Variants in ARHGAP12 observed in about 807,000 individuals in gnomAD.
ARHGAP12 encodes rho GTPase-activating protein 12.
In ARHGAP12, 64 loss-of-function variants were observed where a neutral mutation model predicts 108.6. The ratio of observed to expected loss-of-function variants is 0.59; its 90% confidence interval spans 0.48 to 0.73. The LOEUF (loss-of-function observed/expected upper bound fraction) is 0.73, where lower values mean the gene tolerates loss of function less well. Ranked by LOEUF, ARHGAP12 falls within the 30% of genes least tolerant of loss-of-function variation. The probability of loss-of-function intolerance (pLI) is 0.00; values close to 1 mark genes in which losing one functional copy is unlikely to be tolerated. For synonymous variants in ARHGAP12, 312 were observed against 337.2 expected (o/e 0.93, Z 0.82); for missense variants, 940 against 1,005.9 (o/e 0.93, Z 0.89).
At chr10:31,867,710 GAACA>G (rs1435130911) in intron 3 of ARHGAP12, among the ~76,000 whole-genome samples, 1 of 151,938 alleles carries the variant, frequency 6.6e-6, no homozygotes, top group Non-Finnish European at 1.5e-5. Context: ...TTAGACCCTT[GAACA>G]AACGGAAGAA....
At chr10:31,859,601 G>C (rs1176655918) in intron 4 of ARHGAP12, among the ~76,000 whole-genome samples, 1 of 117,946 alleles carries the variant, frequency 8.5e-6, no homozygotes, top group African/African-American at 2.9e-5. Context: ...TTGAGACCCT[G>C]TATACATAGT....
At chr10:31,847,539 A>G (rs530343073) in intron 6 of ARHGAP12, among the ~76,000 whole-genome samples, 4 of 152,326 alleles carry the variant, frequency 2.6e-5, no homozygotes, top group African/African-American at 9.6e-5. Context: ...GTTTTCATGC[A>G]TAGGCCACTG....
chr10:31,918,526 G>A (rs1839659686), intron 1 of ARHGAP12, among the ~76,000 whole-genome samples: 2 of 152,046 alleles, frequency 1.3e-5, no homozygotes, highest in South Asian at 2.1e-4. Context: ...AACATAACGA[G>A]GCCCCGTCTC....
At chr10:31,825,487 T>G (rs1211544577) in intron 11 of ARHGAP12, among the ~76,000 whole-genome samples, 1 of 152,156 alleles carries the variant, frequency 6.6e-6, no homozygotes, top group Non-Finnish European at 1.5e-5. Flanking sequence ...AGCCAGAGCA[T>G]GGATTCTAGA....
At chr10:31,869,754 T>C (rs1371854106) in intron 3 of ARHGAP12, among the ~76,000 whole-genome samples, 4 of 152,214 alleles carry the variant, frequency 2.6e-5, no homozygotes, top group Non-Finnish European at 4.4e-5. Context: ...AAAAGAAAAA[T>C]TGGGGAACCA....
At chr10:31,873,053 T>A (rs1837601900) in intron 3 of ARHGAP12, among the ~76,000 whole-genome samples, 1 of 152,156 alleles carries the variant, frequency 6.6e-6, no homozygotes, top group Non-Finnish European at 1.5e-5. Context: ...ATCTAGAGCA[T>A]CAGTATCTAA....
chr10:31,833,763 G>A (rs1219560484), intron 9 of ARHGAP12, among the ~76,000 whole-genome samples: 1 of 152,112 alleles, frequency 6.6e-6, no homozygotes, highest in Non-Finnish European at 1.5e-5. Flanking sequence ...TTGAACTAAG[G>A]AACAGGAGTC....
intron 9 of ARHGAP12, 137 bp from the exon 10 acceptor site, chr10:31,831,937 A>G (rs1051802110): frequency 4.2e-6 from 2 of 472,158 alleles, no homozygotes; most frequent in Non-Finnish European, 7.6e-6. Context: ...TAACATGCGT[A>G]GTTCTAGAAT....
chr10:31,916,134 T>C (rs1211290653), intron 1 of ARHGAP12, among the ~76,000 whole-genome samples: 2 of 152,278 alleles, frequency 1.3e-5, no homozygotes, highest in Middle Eastern at 3.4e-3. Context: ...TTCTATACTA[T>C]ACCCATCACC....
chr10:31,906,735 G>A (rs1485065002), intron 3 of ARHGAP12, among the ~76,000 whole-genome samples: 1 of 152,134 alleles, frequency 6.6e-6, no homozygotes, highest in Non-Finnish European at 1.5e-5. Flanking sequence ...TGGAACTCCA[G>A]GGCAGTGAAC....
chr10:31,825,942 T>C (rs968961437), intron 11 of ARHGAP12, among the ~76,000 whole-genome samples: 2 of 152,178 alleles, frequency 1.3e-5, no homozygotes, highest in Non-Finnish European at 2.9e-5. Context: ...GCTTGCCACA[T>C]TACTGCTTAT....
chr10:31,911,287 G>A (rs1053928949), intron 1 of ARHGAP12, among the ~76,000 whole-genome samples: 26 of 152,190 alleles, frequency 1.7e-4, no homozygotes, highest in African/African-American at 4.8e-5. Flanking sequence ...GCCTCCCAAA[G>A]TGAGGGGATT....
intron 12 of ARHGAP12, among the ~76,000 whole-genome samples, chr10:31,818,242 A>G (rs1312853815): frequency 6.6e-6 from 1 of 152,204 alleles, no homozygotes; most frequent in Non-Finnish European, 1.5e-5. Context: ...TAGGATAAAG[A>G]AATAAAATCT....
chr10:31,839,247 T>C, intron 9 of ARHGAP12, 58 bp downstream of exon 9: 1 of 1,522,506 alleles, frequency 6.6e-7, no homozygotes, highest in Non-Finnish European at 9.0e-7. Flanking sequence ...CAATATATTT[T>C]ACAGCATAGA....
At chr10:31,893,931 G>T (rs1216656143) in intron 3 of ARHGAP12, among the ~76,000 whole-genome samples, 1 of 152,202 alleles carries the variant, frequency 6.6e-6, no homozygotes, top group Non-Finnish European at 1.5e-5. Context: ...TGGGATGCAA[G>T]GTTGGTTCAA....
intron 14 of ARHGAP12, among the ~76,000 whole-genome samples, chr10:31,813,907 A>G (rs1564365598): frequency 6.6e-6 from 1 of 152,198 alleles, no homozygotes; most frequent in Non-Finnish European, 1.5e-5. Flanking sequence ...TGACTTCTTA[A>G]AAAGTATAAG....
intron 1 of ARHGAP12, among the ~76,000 whole-genome samples, chr10:31,923,036 TG>T (rs1205683542): frequency 7.0e-6 from 1 of 143,850 alleles, no homozygotes; most frequent in Non-Finnish European, 1.5e-5. Flanking sequence ...GAGGCTAAAG[TG>T]GGAAGCCTGT....
intron 1 of ARHGAP12, among the ~76,000 whole-genome samples, chr10:31,924,007 C>A (rs1839928858): frequency 6.6e-6 from 1 of 152,090 alleles, no homozygotes; most frequent in Non-Finnish European, 1.5e-5. Flanking sequence ...ATTAAAACAA[C>A]CAGGTATCAC....
intron 13 of ARHGAP12, among the ~76,000 whole-genome samples, chr10:31,815,148 A>G (rs1294482602): frequency 6.6e-6 from 1 of 151,830 alleles, no homozygotes; most frequent in Non-Finnish European, 1.5e-5. Context: ...AAAGAAAGAA[A>G]AAAAAGAAAA....
Sources: gnomAD v4.1 joint callset for allele counts (sites outside exome capture counted in the v4.1 genomes callset) on GRCh38, gnomAD v4.1.1 for gene constraint, MANE v1.5 for transcripts, NCBI Gene and HGNC (gene_info 2026-07-23, HGNC 2026-07-21) for gene names.